The following AFG2A variants were observed in gnomAD, a reference collection of about 807,000 sequenced individuals.
AFG2A encodes ATPase family gene 2 protein homolog A.
At chr4:123,133,821 G>A in the AFG2A span, among the ~76,000 whole-genome samples, 2 of 152,090 alleles carry the variant, frequency 1.3e-5, no homozygotes, top group Non-Finnish European at 2.9e-5. Context: ...CTTTCTGATG[G>A]CCAGTCTGAC....
At chr4:123,030,655 C>T in the AFG2A span, among the ~76,000 whole-genome samples, 4 of 152,052 alleles carry the variant, frequency 2.6e-5, no homozygotes, top group East Asian at 5.8e-4. Context: ...TAGTGTGGTT[C>T]GACAGTATTA....
chr4:123,194,890 C>G, the AFG2A span, among the ~76,000 whole-genome samples: 1 of 152,092 alleles, frequency 6.6e-6, no homozygotes, highest in Admixed American at 6.5e-5. Flanking sequence ...ACCTATTCAC[C>G]AATTTTCTTT....
the AFG2A span, among the ~76,000 whole-genome samples, chr4:123,216,229 A>G: frequency 6.6e-6 from 1 of 152,166 alleles, no homozygotes; most frequent in South Asian, 2.1e-4. Flanking sequence ...AATATCAGAC[A>G]TCACCATATT....
At chr4:123,146,804 T>C in the AFG2A span, among the ~76,000 whole-genome samples, 1 of 151,920 alleles carries the variant, frequency 6.6e-6, no homozygotes, top group East Asian at 1.9e-4. Flanking sequence ...TTTTCCCTCA[T>C]GATTACACTA....
chr4:123,166,959 G>A, the AFG2A span, among the ~76,000 whole-genome samples: 1 of 151,904 alleles, frequency 6.6e-6, no homozygotes, highest in East Asian at 1.9e-4. Context: ...TAAACTCCCT[G>A]GGTTTGGGTA....
At chr4:123,174,935 A>G in the AFG2A span, among the ~76,000 whole-genome samples, 36 of 152,050 alleles carry the variant, frequency 2.4e-4, no homozygotes, top group Middle Eastern at 3.4e-3. Flanking sequence ...GGCCCAAGCA[A>G]TCCTCCCACC....
chr4:123,218,629 A>G, the AFG2A span, among the ~76,000 whole-genome samples: 1 of 140,936 alleles, frequency 7.1e-6, no homozygotes, highest in African/African-American at 2.6e-5. Flanking sequence ...AAATAGTTTT[A>G]CATAAACACA....
At chr4:123,248,068 GCA>G in the AFG2A span, among the ~76,000 whole-genome samples, 2 of 151,446 alleles carry the variant, frequency 1.3e-5, no homozygotes, top group African/African-American at 2.4e-5. Context: ...ACAGTGCTTT[GCA>G]CACAAAAAAA....
the AFG2A span, among the ~76,000 whole-genome samples, chr4:123,260,525 A>G: frequency 1.3e-5 from 2 of 152,210 alleles, no homozygotes; most frequent in African/African-American, 4.8e-5. Flanking sequence ...TGTCTCACTG[A>G]TTAACGTTTT....
the AFG2A span, among the ~76,000 whole-genome samples, chr4:123,093,546 A>G: frequency 6.6e-6 from 1 of 152,144 alleles, no homozygotes; most frequent in Non-Finnish European, 1.5e-5. Flanking sequence ...CATGTGGACT[A>G]GATCCTGTTT....
At chr4:123,028,349 C>A in the AFG2A span, 1 of 1,614,094 alleles carries the variant, frequency 6.2e-7, no homozygotes, top group African/African-American at 1.3e-5. Flanking sequence ...ACAATGATAG[C>A]AAAGGCTTTG....
the AFG2A span, among the ~76,000 whole-genome samples, chr4:123,057,048 T>C: frequency 2.0e-5 from 3 of 152,232 alleles, no homozygotes; most frequent in Admixed American, 2.0e-4. Flanking sequence ...TTTACATCCA[T>C]TATAAAGTTC....
At chr4:123,242,638 T>TA in the AFG2A span, among the ~76,000 whole-genome samples, 1 of 152,186 alleles carries the variant, frequency 6.6e-6, no homozygotes, top group South Asian at 2.1e-4. Flanking sequence ...CCTAAAACCA[T>TA]AAAAACCCTA....
At chr4:123,201,922 C>CA in the AFG2A span, among the ~76,000 whole-genome samples, 30 of 143,116 alleles carry the variant, frequency 2.1e-4, no homozygotes, top group South Asian at 1.1e-3. Flanking sequence ...GACCCTGTCT[C>CA]AAAAAAAAAA....
At chr4:123,285,629 C>T in the AFG2A span, among the ~76,000 whole-genome samples, 1 of 152,064 alleles carries the variant, frequency 6.6e-6, no homozygotes, top group African/African-American at 2.4e-5. Flanking sequence ...TCTTCTAAAG[C>T]TTATTCCTAA....
the AFG2A span, among the ~76,000 whole-genome samples, chr4:123,063,638 T>G: frequency 1.9e-4 from 29 of 151,730 alleles, no homozygotes; most frequent in African/African-American, 6.5e-4. Flanking sequence ...CCCAGTTACT[T>G]GGGAGGCTAA....
chr4:123,097,532 T>C, the AFG2A span, among the ~76,000 whole-genome samples: 1 of 152,138 alleles, frequency 6.6e-6, no homozygotes, highest in African/African-American at 2.4e-5. Flanking sequence ...CTGGAAAGCG[T>C]CCTGTACGGT....
At chr4:123,071,198 G>A in the AFG2A span, among the ~76,000 whole-genome samples, 1 of 151,930 alleles carries the variant, frequency 6.6e-6, no homozygotes, top group Admixed American at 6.6e-5. Context: ...CTTGTTTCTC[G>A]GGCTGGGTGT....
chr4:122,980,615 C>G, the AFG2A span, among the ~76,000 whole-genome samples: 1 of 152,174 alleles, frequency 6.6e-6, no homozygotes, highest in Non-Finnish European at 1.5e-5. Flanking sequence ...TTCCCACCAA[C>G]AGTGTACAAG....
Sources: gnomAD v4.1 joint callset for allele counts (sites outside exome capture counted in the v4.1 genomes callset) on GRCh38, gnomAD v4.1.1 for gene constraint, MANE v1.5 for transcripts, NCBI Gene and HGNC (gene_info 2026-07-23, HGNC 2026-07-21) for gene names.